Variants in DSP observed in about 807,000 individuals in gnomAD.
The protein encoded by DSP is desmoplakin.
DSP carries 114 observed loss-of-function variants against 290.6 expected under a neutral mutation model. The ratio of observed to expected loss-of-function variants is 0.39; its 90% CI spans 0.34 to 0.46. DSP has a LOEUF of 0.46. DSP is among the 20% of genes least tolerant of loss of function. DSP has a pLI of 0.99. For synonymous variants in DSP, 1,311 were observed against 1,316.4 expected (o/e 1.00, Z 0.09); for missense variants, 3,230 against 3,495.8 (o/e 0.92, Z 1.92).
rs1390665527 is a variant in DSP, at chr6:7,580,009, C to T, written c.3819C>T (p.Asn1273=). 23 of 1,613,986 alleles carry T rather than the reference C, an allele frequency of 1.4e-5. No individual in the cohort carries two copies. Among genetic ancestry groups the T allele is most frequent in the Non-Finnish European group, 1.5e-5 (18 of 1,180,030 alleles). Residue 1273 remains asparagine, a synonymous_variant, in exon 23 of 24, where the codon AAC becomes AAT. Transcript: ENST00000379802. This position sits in a 1 kb window ranked among gnomAD's most constrained non-coding sequence, Gnocchi z 4.2. ...AGCAGCGAAGGCGAGCTGAAGAAAA[C>T]GCCCTTCAGCAAAAGGCCTGTGGCT... is the stretch of plus-strand genomic sequence containing the variant. ...ATEQRRRAEE[N]ALQQKACGSE... is the part of the protein sequence containing the mutation.
At chr6:7,549,851 G>T (rs1195890272) in intron 1 of DSP, among the ~76,000 whole-genome samples, 1 of 152,080 alleles carries the variant, frequency 6.6e-6, no homozygotes, top group East Asian at 1.9e-4. Context: ...AAGTTAGGGG[G>T]CATGGTCCAA....
In DSP at chr6:7,582,497, G is replaced by T; in HGVS notation, c.5380-145G>T. 1.4e-6 allele frequency: 1 copy of T among 740,622 alleles called. No individual in the cohort carries two copies. Among genetic ancestry groups the T allele is most frequent in the South Asian group, 1.9e-5 (1 of 51,458 alleles). 45.9% of individuals were successfully genotyped at this position (740,622 alleles called of 1,614,324 possible). A position where few individuals can be genotyped will look rare whatever the true frequency, so the allele number is the denominator to read the frequency against. ...AAATTTGTAAAATAACAAGCTCACA[G>T]TGTATCCAGGGACAATATAGAAAGA... On this transcript the variant is annotated intron_variant, in intron 23 of 23. Coordinates refer to ENST00000379802, the MANE Select transcript of DSP (RefSeq NM_004415.4). This position sits in a 1 kb window ranked among gnomAD's most constrained non-coding sequence, Gnocchi z 4.2.
Position 7,565,487 on chromosome 6 carries a change from C to T in DSP, c.906C>T (p.Asn302=). 6.2e-7 allele frequency: 1 copy of T among 1,614,014 alleles called. No individual in the cohort carries two copies. Among genetic ancestry groups the T allele is most frequent in the Non-Finnish European group, 8.5e-7 (1 of 1,179,940 alleles). The change falls in exon 7 of 24, where the codon AAC becomes AAT. Residue 302 remains asparagine, a synonymous_variant. Transcript: ENST00000379802. This position sits in a 1 kb window ranked among gnomAD's most constrained non-coding sequence, Gnocchi z 4.2. ...EELLYDWSDK[N]TNIAQKQEAF... ...TGCTGTACGACTGGAGCGACAAGAA[C>T]ACCAACATCGCTCAGAAACAGGAGG...
In DSP at chr6:7,580,346, G is replaced by A. The variant is rs397516935; in HGVS notation, c.4156G>A (p.Glu1386Lys). The A allele has an allele frequency of 1.2e-6, 2 of 1,614,162 alleles. No individual in the cohort carries two copies. Among genetic ancestry groups the A allele is most frequent in the East Asian group, 2.2e-5 (1 of 44,884 alleles). ...TIHQLTMQKEEDTSGYRAQID... is the reference protein window; with the variant it reads ...TIHQLTMQKEKDTSGYRAQID... ...CCACCAGCTCACCATGCAGAAGGAA[G>A]AGGATACCAGTGGCTACCGGGCTCA... Residue 1386 changes from glutamate (E) to lysine (K), a missense_variant, in exon 23 of 24, where the codon GAG becomes AAG. Glu to Lys is a moderately conservative substitution (Grantham distance 56). Transcript: ENST00000379802. The surrounding 1 kb of genome is among the most constrained non-coding windows in gnomAD (Gnocchi z 4.2).
chr6:7,560,543 C>A (rs1758649398), intron 4 of DSP, among the ~76,000 whole-genome samples: 1 of 152,174 alleles, frequency 6.6e-6, no homozygotes. Context: ...CCCAAGGGTA[C>A]AAAGATTATG....
chr6:7,554,164 AGGCTGGCCCTGGC>A (rs1448069696), intron 1 of DSP, among the ~76,000 whole-genome samples: 1 of 146,408 alleles, frequency 6.8e-6, no homozygotes, highest in African/African-American at 2.6e-5. Context: ...AAGCAGGCTC[AGGCTGGCCCTGGC>A]TGAAGGTAGG....
At chr6:7,566,998 C>T (rs1581800940) in intron 8 of DSP, among the ~76,000 whole-genome samples, 2 of 152,114 alleles carry the variant, frequency 1.3e-5, no homozygotes, top group African/African-American at 2.4e-5. Flanking sequence ...CTCGAACCTC[C>T]CCATGATTCA....
intron 4 of DSP, 23 bp from the exon 5 acceptor site, chr6:7,562,629 C>T: frequency 6.2e-7 from 1 of 1,613,896 alleles, no homozygotes; most frequent in Non-Finnish European, 8.5e-7. Context: ...CAAAGGGCGC[C>T]TCTCTTTGTC....
chr6:7,574,367 C>T (rs1159375078), intron 16 of DSP, 115 bp downstream of exon 16: 39 of 1,131,974 alleles, frequency 3.4e-5, no homozygotes, highest in Non-Finnish European at 1.3e-6. Context: ...GATTTACTTA[C>T]ATCCTTCTGT....
chr6:7,575,434 A>G lies in DSP; in HGVS notation c.2576A>G (p.Lys859Arg). The change falls in exon 18 of 24, where the codon AAA becomes AGA. Residue 859 changes from lysine (K) to arginine (R), a missense_variant. Lys to Arg is a conservative substitution (Grantham distance 26). Transcript: ENST00000379802. ...YDLDLGKFGE[K>R]VTQLTDRWQR... is the part of the protein sequence containing the mutation. ...CTGGACTTGGGCAAGTTCGGTGAAA[A>G]AGTCACACAGCTGACAGACCGCTGG... 6.2e-7 allele frequency: 1 copy of G among 1,614,208 alleles called. No homozygotes were observed. The highest frequency in any genetic ancestry group is 8.5e-7 in the Non-Finnish European group (1 of 1,180,042).
Position 7,574,780 on chromosome 6 carries a change from C to T in DSP, c.2421C>T (p.Tyr807=), listed in dbSNP as rs2113684259. 1.2e-6 allele frequency: 2 copies of T among 1,614,168 alleles called. No individual in the cohort carries two copies. Among genetic ancestry groups the T allele is most frequent in the South Asian group, 2.2e-5 (2 of 91,090 alleles). ...TGGACCTGGATAAAGTGGAAGCTTA[C>T]CGCTGTGGACTGAAGGTAACTTGAA... The part of the protein sequence containing the change: ...VCLDLDKVEA[Y]RCGLKKIKND... The change falls in exon 17 of 24, where the codon TAC becomes TAT. Residue 807 remains tyrosine, a synonymous_variant. Transcript: ENST00000379802.
chr6:7,543,809 A>G (rs1758092323), intron 1 of DSP, among the ~76,000 whole-genome samples: 1 of 152,146 alleles, frequency 6.6e-6, no homozygotes, highest in Admixed American at 6.5e-5. Flanking sequence ...CGAATATTTC[A>G]CTCCCTTGGC....
At position 7,575,399 on chromosome 6, in the gene DSP, A is replaced by G. The variant is rs1759207549; in HGVS notation, c.2541A>G (p.Pro847=). The G allele has an allele frequency of 6.2e-7, 1 of 1,614,206 alleles. No homozygotes were observed. Among genetic ancestry groups the G allele is most frequent in the Non-Finnish European group, 8.5e-7 (1 of 1,180,032 alleles). The change falls in exon 18 of 24, where the codon CCA becomes CCG. Residue 847 remains proline, a synonymous_variant. Transcript: ENST00000379802. ...QIHSQTSQQY[P]LYDLDLGKFG... ...ACTCTCAGACTTCACAGCAGTATCC[A>G]CTTTATGATCTGGACTTGGGCAAGT...
rs1758910335 is a variant in DSP at position 7,567,825 on chromosome 6, C to T, written c.1185C>T (p.Leu395=). 2 of 1,614,032 alleles carry T rather than the reference C, an allele frequency of 1.2e-6. No individual in the cohort carries two copies. Among genetic ancestry groups the T allele is most frequent in the Non-Finnish European group, 1.7e-6 (2 of 1,179,968 alleles). ...AQSTEAYLKG[L]QDSIRKKYPC... Reference sequence around the variant, plus strand: ...CTACTGAAGCATACCTGAAGGGGCTCCAGGACTCCATCAGGAAGAAGTACC... The same window carrying T: ...CTACTGAAGCATACCTGAAGGGGCTTCAGGACTCCATCAGGAAGAAGTACC... The change falls in exon 10 of 24, where the codon CTC becomes CTT. Residue 395 remains leucine (L), a synonymous_variant. Coordinates refer to ENST00000379802, the MANE Select transcript of DSP (RefSeq NM_004415.4).
Position 7,581,416 on chromosome 6 carries a change from C to T in DSP, c.5226C>T (p.Asp1742=). ...DDLRRGRSEA[D]SDKNATILEL... ...TGAGGAGAGGACGAAGCGAAGCGGA[C>T]AGTGATAAAAATGCAACCATCTTGG... The change falls in exon 23 of 24, where the codon GAC becomes GAT. Residue 1742 remains aspartate, a synonymous_variant. Coordinates refer to ENST00000379802, the MANE Select transcript of DSP (RefSeq NM_004415.4). 1.9e-6 allele frequency: 3 copies of T among 1,613,226 alleles called. No homozygotes were observed. Among genetic ancestry groups the T allele is most frequent in the Non-Finnish European group, 2.5e-6 (3 of 1,179,740 alleles).
intron 8 of DSP, among the ~76,000 whole-genome samples, chr6:7,566,855 T>C (rs575168214): frequency 1.3e-5 from 2 of 152,364 alleles, no homozygotes; most frequent in East Asian, 3.9e-4. Context: ...ACTGCCATCT[T>C]TGGGCCACGC....
rs752387234 is a variant in DSP at position 7,541,962 on chromosome 6, G to A, written c.47G>A (p.Arg16His). The change falls in exon 1 of 24, where the codon CGC becomes CAC. Residue 16 changes from arginine (R) to histidine (H), a missense_variant. This residue lies in a region of DSP where 646 missense variants were observed against 684.3 expected (regional missense o/e 0.94). Coordinates refer to ENST00000379802, the MANE Select transcript of DSP (RefSeq NM_004415.4). ...CACCCGCGGATCAACACTCTGGGCC[G>A]CATGATCCGCGCCGAGTCTGGCCCG... ...GSHPRINTLG[R>H]MIRAESGPDL... 3.1e-6 allele frequency: 5 copies of A among 1,607,148 alleles called. No homozygotes were observed. Among genetic ancestry groups the A allele is most frequent in the Non-Finnish European group, 4.2e-6 (5 of 1,177,860 alleles).
Position 7,585,510 on chromosome 6 carries a change from G to A in DSP, c.8248G>A (p.Ala2750Thr). Residue 2750 changes from alanine (A) to threonine (T), a missense_variant, in exon 24 of 24, where the codon GCC becomes ACC. Physicochemically the swap from Ala to Thr is moderately conservative, Grantham distance 58. Coordinates refer to ENST00000379802, the MANE Select transcript of DSP (RefSeq NM_004415.4). ...EVHGRISTEE[A>T]IRKGFIDGRA... is the part of the protein sequence containing the mutation. ...GCATGGGAGGATAAGCACCGAAGAA[G>A]CCATCCGGAAGGGGTTCATAGATGG... The A allele has an allele frequency of 1.2e-6, 2 of 1,614,170 alleles. No homozygotes were observed. The highest frequency in any genetic ancestry group is 1.7e-6 in the Non-Finnish European group (2 of 1,180,036).
chr6:7,580,014 T>G lies in DSP; in HGVS notation c.3824T>G (p.Leu1275Arg), dbSNP rs1759370907. ...CGAAGGCGAGCTGAAGAAAACGCCC[T>G]TCAGCAAAAGGCCTGTGGCTCTGAG... ...EQRRRAEENA[L>R]QQKACGSEIM... The change falls in exon 23 of 24, where the codon CTT (leucine) becomes CGT (arginine). Residue 1275 changes from leucine to arginine, a missense_variant. Around this residue, in one of 5 missense-constraint regions of DSP, gnomAD observed 1,714 missense variants for 1,844.5 expected, o/e 0.93. Coordinates refer to ENST00000379802, the MANE Select transcript of DSP (RefSeq NM_004415.4). This position sits in a 1 kb window ranked among gnomAD's most constrained non-coding sequence, Gnocchi z 4.2. 1.2e-6 allele frequency: 2 copies of G among 1,613,992 alleles called. No homozygotes were observed. Among genetic ancestry groups the G allele is most frequent in the Non-Finnish European group, 1.7e-6 (2 of 1,180,018 alleles).
Sources: gnomAD v4.1 joint callset for allele counts (sites outside exome capture counted in the v4.1 genomes callset) on GRCh38, gnomAD v4.1.1 for gene constraint, gnomAD v4.1.1 regional missense constraint, Gnocchi (gnomAD v3.1) non-coding constraint, MANE v1.5 for transcripts, NCBI Gene and HGNC (gene_info 2026-07-23, HGNC 2026-07-21) for gene names.